SLC9A3: variants seen among roughly 807,000 people sequenced by gnomAD.
The protein encoded by SLC9A3 is solute carrier family 9 member A3, also known as sodium/hydrogen exchanger 3.
Under a neutral mutation model 86.8 loss-of-function variants are expected in SLC9A3, and 37 were observed. The ratio of observed to expected loss-of-function variants is 0.43; its 90% confidence interval spans 0.33 to 0.56. The LOEUF is 0.56. Ranked by LOEUF, SLC9A3 falls within the 20% of genes least tolerant of loss-of-function variation. The pLI is 0.06. For missense variants in SLC9A3, 1,011 were observed against 1,171.9 expected (o/e 0.86, Z 2.00); for synonymous variants, 581 against 528.3 (o/e 1.10, Z -1.37).
rs1445291123 is a variant in SLC9A3 at position 472,809 on chromosome 5, G to C, written c.*570C>G. The stretch of plus-strand genomic sequence containing the variant: ...TCGGGAGGTCCCTGAGTCGGTCCCC[G>C]AGTCAGTCCCCGGGCGCGGGGCTCG... On this transcript the variant is annotated 3_prime_UTR_variant, in exon 17 of 17. Transcript: ENST00000264938. The C allele has an allele frequency of 5.3e-6, 3 of 567,010 alleles. No homozygotes were observed. Among genetic ancestry groups the C allele is most frequent in the Non-Finnish European group, 1.0e-5 (3 of 299,728 alleles). 35.1% of individuals were successfully genotyped at this position (567,010 alleles called of 1,614,324 possible).
At chr5:512,305 ACCTTAATTAATAAT>A (rs1733577836) in intron 1 of SLC9A3, among the ~76,000 whole-genome samples, 1 of 32,458 alleles carries the variant, frequency 3.1e-5, no homozygotes, top group African/African-American at 1.2e-4. Context: ...TAAACCGTGG[ACCTTAATTAATAAT>A]GTATCAAGAA....
chr5:474,159 G>A (rs573762432), intron 16 of SLC9A3, among the ~76,000 whole-genome samples: 2 of 140,580 alleles, frequency 1.4e-5, no homozygotes, highest in South Asian at 2.3e-4. Flanking sequence ...GACCTGGAGG[G>A]AGAGGAGCTG....
At chr5:521,591 GAA>G (rs1733886082) in intron 1 of SLC9A3, among the ~76,000 whole-genome samples, 1 of 152,202 alleles carries the variant, frequency 6.6e-6, no homozygotes, top group South Asian at 2.1e-4. Context: ...ACTTGAGACT[GAA>G]AGAGTGTGGC....
chr5:496,705 GTTTCCTGCTAAATTT>G lies in SLC9A3; in HGVS notation c.212-4649_212-4635del, dbSNP rs569896626. 7.2e-5 allele frequency among the ~76,000 whole-genome samples: 11 copies of G among 152,196 alleles called. No individual in the cohort carries two copies. Among genetic ancestry groups the G allele is most frequent in the Admixed American group, 2.0e-4 (3 of 15,284 alleles). Reference sequence around the variant, plus strand: ...ACTTAACAAAGCCATTCCTGCTCATGTTTCCTGCTAAATTTTTTAGCAGGAAAAATAAAGGCACTC... The same window carrying G: ...ACTTAACAAAGCCATTCCTGCTCATGTTTAGCAGGAAAAATAAAGGCACTC... On this transcript the variant is annotated intron_variant, in intron 1 of 16. Transcript: ENST00000264938. The surrounding 1 kb of genome is among the most constrained non-coding windows in gnomAD (Gnocchi z 4.7).
intron 3 of SLC9A3, among the ~76,000 whole-genome samples, chr5:485,856 T>TG (rs1739437589): frequency 6.6e-6 from 1 of 151,426 alleles, no homozygotes; most frequent in Non-Finnish European, 1.5e-5. Flanking sequence ...CAGGCTGGGG[T>TG]GGGGGGCCCA....
At chr5:509,560 G>A (rs1740786228) in intron 1 of SLC9A3, among the ~76,000 whole-genome samples, 2 of 152,230 alleles carry the variant, frequency 1.3e-5, no homozygotes, top group African/African-American at 4.8e-5. Context: ...CTGGTCCCAT[G>A]TGGGCCGAAC....
rs1418856019 is a variant in SLC9A3 at position 477,422 on chromosome 5, G to A, written c.1670C>T (p.Ala557Val). ...VAEGERRGSL[A>V]FIRSPSTDNV... ...GTCGGTGCTGGGGGAGCGGATGAAGGCCAGGGACCCGCGGCGCTCTCCCTG... is the reference window on the plus strand; with the variant it reads ...GTCGGTGCTGGGGGAGCGGATGAAGACCAGGGACCCGCGGCGCTCTCCCTG... The change falls in exon 11 of 17, where the codon GCC becomes GTC. Residue 557 changes from alanine to valine, a missense_variant. Coordinates refer to ENST00000264938, the MANE Select transcript of SLC9A3 (RefSeq NM_004174.4). 1.2e-6 allele frequency: 2 copies of A among 1,612,744 alleles called. No individual in the cohort carries two copies. The highest frequency in any genetic ancestry group is 1.7e-5 in the Admixed American group (1 of 59,934).
Position 473,396 on chromosome 5 carries a change from A to G in SLC9A3, c.2502-14T>C. 1 of 1,399,338 alleles carries G rather than the reference A, an allele frequency of 7.1e-7. No individual in the cohort carries two copies. Among genetic ancestry groups the G allele is most frequent in the Non-Finnish European group, 9.4e-7 (1 of 1,068,862 alleles). 86.7% of individuals were successfully genotyped at this position (1,399,338 alleles called of 1,614,324 possible). ...AGCCGGTGTCACCTGCGGGAGAGGA[A>G]GGCGTGAGCGGCGCGCGGAGCCCGG... On this transcript the variant is annotated splice_polypyrimidine_tract_variant and intron_variant, in intron 16 of 16. Transcript: ENST00000264938.
intron 1 of SLC9A3, among the ~76,000 whole-genome samples, chr5:508,350 C>T (rs1740711716): frequency 7.1e-6 from 1 of 139,962 alleles, no homozygotes; most frequent in Non-Finnish European, 1.5e-5. Flanking sequence ...CAGGGAGACG[C>T]AGGCCTCAGC....
rs1432753033 is a variant in SLC9A3 at position 472,481 on chromosome 5, C to T, written c.*898G>A. 3 of 335,746 alleles carry T rather than the reference C, an allele frequency of 8.9e-6. No homozygotes were observed. The highest frequency in any genetic ancestry group is 4.2e-5 in the South Asian group (2 of 47,180). The allele number at this position is 335,746 out of a possible 1,614,324, so 20.8% of individuals were successfully genotyped here. Reference sequence around the variant, plus strand: ...CAGGCCACCTCTCACCCAGCCAGGGCACCCCGGGCGACCTCCGCGCCAGGT... The same window carrying T: ...CAGGCCACCTCTCACCCAGCCAGGGTACCCCGGGCGACCTCCGCGCCAGGT... On this transcript the variant is annotated 3_prime_UTR_variant, in exon 17 of 17. Transcript: ENST00000264938.
rs1190175555 is a variant in SLC9A3, at chr5:524,427, G to A, written c.-105C>T. The stretch of plus-strand genomic sequence containing the variant: ...ACCCGGCGAGGACCCGGCGCGCTCC[G>A]GTGCCGGTACCGGCTACAGTCCGAT... On this transcript the variant is annotated 5_prime_UTR_variant, in exon 1 of 17. Coordinates refer to ENST00000264938, the MANE Select transcript of SLC9A3 (RefSeq NM_004174.4). The A allele has an allele frequency of 8.4e-6, 3 of 357,814 alleles. No individual in the cohort carries two copies. Among genetic ancestry groups the A allele is most frequent in the African/African-American group, 6.6e-5 (3 of 45,718 alleles). The allele number at this position is 357,814 out of a possible 1,614,324, so 22.2% of individuals were successfully genotyped here.
intron 5 of SLC9A3, 109 bp from the exon 6 acceptor site, chr5:483,591 T>C: frequency 1.2e-6 from 1 of 803,488 alleles, no homozygotes; most frequent in African/African-American, 1.7e-5. Flanking sequence ...GAGTCACAGT[T>C]GTGTGGTTAC....
intron 1 of SLC9A3, among the ~76,000 whole-genome samples, chr5:521,197 A>C (rs559757193): frequency 1.3e-5 from 2 of 152,376 alleles, no homozygotes; most frequent in South Asian, 4.1e-4. Context: ...ACCCCAGTGC[A>C]CACAAATAGG....
At chr5:514,453 GC>G (rs1332504910) in intron 1 of SLC9A3, among the ~76,000 whole-genome samples, 2 of 152,316 alleles carry the variant, frequency 1.3e-5, no homozygotes, top group South Asian at 4.1e-4. Context: ...GGCCCACCCT[GC>G]CCCCCGAGGC....
At position 491,268 on chromosome 5, in the gene SLC9A3, C is replaced by T. The variant is rs557135287; in HGVS notation, c.514+501G>A. ...GGCATGTTGAGAGGCGCCAGCCACGCGTGGTCTGGGTCCGGGGCGGGAGGC... is the reference window on the plus strand; with the variant it reads ...GGCATGTTGAGAGGCGCCAGCCACGTGTGGTCTGGGTCCGGGGCGGGAGGC... On this transcript the variant is annotated intron_variant, in intron 2 of 16. Transcript: ENST00000264938. This position sits in a 1 kb window ranked among gnomAD's most constrained non-coding sequence, Gnocchi z 9.2. Among the ~76,000 whole-genome samples the T allele has an allele frequency of 4.6e-5, 7 of 152,108 alleles. No individual in the cohort carries two copies. In the East Asian group the frequency reaches 5.8e-4, roughly 13 times the overall value.
At chr5:475,891 C>T (rs1369020929) in intron 14 of SLC9A3, 129 bp downstream of exon 14, 3 of 847,020 alleles carry the variant, frequency 3.5e-6, no homozygotes, top group African/African-American at 3.4e-5. Flanking sequence ...GACCATGCCT[C>T]CCCTGCCTGG....
intron 1 of SLC9A3, among the ~76,000 whole-genome samples, chr5:517,824 TCCATCCATCCATC>T: frequency 1.2e-5 from 1 of 83,410 alleles, no homozygotes; most frequent in African/African-American, 5.2e-5. Flanking sequence ...CATCCATCCA[TCCATCCATCCATC>T]CACTCATCCA....
At position 483,894 on chromosome 5, in the gene SLC9A3, C is replaced by T. The variant is rs193178628; in HGVS notation, c.933-412G>A. ...AGCCTGGGAGCGCCAGCGGAGCGGG[C>T]GAGGTGACGGGACACTGCTCTGAAG... On this transcript the variant is annotated intron_variant, in intron 5 of 16. Transcript: ENST00000264938. Among the ~76,000 whole-genome samples, 9 of 152,384 alleles carry T rather than the reference C, an allele frequency of 5.9e-5. No homozygotes were observed. The South Asian group carries it at 1.0e-3, about 18-fold the overall frequency.
At chr5:502,059 A>G (rs986816880) in intron 1 of SLC9A3, among the ~76,000 whole-genome samples, 9 of 152,272 alleles carry the variant, frequency 5.9e-5, no homozygotes, top group African/African-American at 2.2e-4. Flanking sequence ...CGTTTTACAC[A>G]TTGTACATTT....
Sources: gnomAD v4.1 joint callset for allele counts (sites outside exome capture counted in the v4.1 genomes callset) on GRCh38, gnomAD v4.1.1 for gene constraint, Gnocchi (gnomAD v3.1) non-coding constraint, MANE v1.5 for transcripts, NCBI Gene and HGNC (gene_info 2026-07-23, HGNC 2026-07-21) for gene names.